The following NHSL1 variants were observed in gnomAD, a reference collection of about 807,000 sequenced individuals.
NHSL1 encodes NHS-like protein 1.
NHSL1 carries 48 observed loss-of-function variants against 95.0 expected under a neutral mutation model. That is an observed-to-expected ratio of 0.51 (90% CI 0.40 to 0.64). NHSL1 has a LOEUF of 0.64. Ranked by LOEUF, NHSL1 falls within the 30% of genes least tolerant of loss-of-function variation. The pLI, the probability that NHSL1 is intolerant of heterozygous loss-of-function variation, is 0.00. For missense variants in NHSL1, 1,971 were observed against 2,077.7 expected (o/e 0.95, Z 1.00); for synonymous variants, 783 against 833.9 (o/e 0.94, Z 1.05).
At chr6:138,436,953 GA>G (rs909212009) in intron 5 of NHSL1, among the ~76,000 whole-genome samples, 18 of 151,160 alleles carry the variant, frequency 1.2e-4, no homozygotes, top group Admixed American at 1.1e-3. Flanking sequence ...CTACTGCTCA[GA>G]AAAAAAAAGA....
chr6:138,499,306 A>C lies in NHSL1; in HGVS notation c.-16T>G. ...AGACCACCATTTCCAGGGCACCTAC[A>C]TAGAGCTTAGAAATGTAAATCACAT... is the stretch of plus-strand genomic sequence containing the variant. On this transcript the variant is annotated 5_prime_UTR_variant, in exon 1 of 8. It removes an upstream start codon present in the reference 5' UTR. Coordinates refer to ENST00000343505, the MANE Select transcript of NHSL1 (RefSeq NM_001144060.2). 6.4e-7 allele frequency: 1 copy of C among 1,550,582 alleles called. No homozygotes were observed. The highest frequency in any genetic ancestry group is 2.4e-5 in the East Asian group (1 of 40,892).
rs951078901 is a variant in NHSL1 at position 138,473,419 on chromosome 6, G to A, written c.226C>T (p.Arg76Trp). ...TGAGAACTGCGGTAGCCATCATGCC[G>A]CAACTTATCGCATTCTGCAGAGGGG... ...KSVLRECDKLRHDGYRSSQYY... is the reference protein window; with the variant it reads ...KSVLRECDKLWHDGYRSSQYY... Residue 76 changes from arginine to tryptophan, a missense_variant, in exon 3 of 8, where the codon CGG becomes TGG. Physicochemically the swap from Arg to Trp is moderately radical, Grantham distance 101. Coordinates refer to ENST00000343505, the MANE Select transcript of NHSL1 (RefSeq NM_001144060.2). 8 of 1,503,164 alleles carry A rather than the reference G, an allele frequency of 5.3e-6. No homozygotes were observed. Among genetic ancestry groups the A allele is most frequent in the African/African-American group, 1.4e-5 (1 of 71,460 alleles). The allele number at this position is 1,503,164 out of a possible 1,614,324, so 93.1% of individuals were successfully genotyped here.
chr6:138,627,312 AGT>A (rs1784753368), intron 1 of NHSL1, among the ~76,000 whole-genome samples: 1 of 152,238 alleles, frequency 6.6e-6, no homozygotes, highest in African/African-American at 2.4e-5. Flanking sequence ...ATACACAAAA[AGT>A]TTTTTTATAT....
At chr6:138,679,294 A>C (rs1408583150) in intron 1 of NHSL1, among the ~76,000 whole-genome samples, 1 of 152,222 alleles carries the variant, frequency 6.6e-6, no homozygotes, top group African/African-American at 2.4e-5. Flanking sequence ...GGAAAAGAGA[A>C]ACATCACTTC....
chr6:138,664,299 A>G (rs1490673058), intron 1 of NHSL1, among the ~76,000 whole-genome samples: 1 of 152,212 alleles, frequency 6.6e-6, no homozygotes, highest in Non-Finnish European at 1.5e-5. Context: ...CTCAACAAAC[A>G]CACAGTGACA....
At position 138,431,530 on chromosome 6, in the gene NHSL1, G is replaced by C; in HGVS notation, c.2815C>G (p.Pro939Ala). ...APPPPPVPSP[P>A]FPCPADRSPF... Reference sequence around the variant, plus strand: ...GACCTGTCTGCAGGACAAGGGAATGGAGGAGAGGGAACAGGAGGAGGAGGA... The same window carrying C: ...GACCTGTCTGCAGGACAAGGGAATGCAGGAGAGGGAACAGGAGGAGGAGGA... The change falls in exon 6 of 8, where the codon CCA becomes GCA. Residue 939 changes from proline (P) to alanine (A), a missense_variant. Transcript: ENST00000343505. The surrounding 1 kb of genome is among the most constrained non-coding windows in gnomAD (Gnocchi z 4.0). 6.4e-7 allele frequency: 1 copy of C among 1,551,240 alleles called. No individual in the cohort carries two copies. Among genetic ancestry groups the C allele is most frequent in the Non-Finnish European group, 8.7e-7 (1 of 1,146,732 alleles).
chr6:138,443,774 G>A (rs967149134), intron 4 of NHSL1, among the ~76,000 whole-genome samples: 3 of 152,224 alleles, frequency 2.0e-5, no homozygotes, highest in African/African-American at 4.8e-5. Context: ...AGGTTGCAGT[G>A]AGCCGAGATT....
intron 1 of NHSL1, among the ~76,000 whole-genome samples, chr6:138,528,674 A>G (rs184389495): frequency 1.5e-4 from 23 of 152,372 alleles, no homozygotes; most frequent in Middle Eastern, 6.8e-3. Flanking sequence ...CTATTTTGAT[A>G]CCAAGTCAAC....
Position 138,437,365 on chromosome 6 carries a change from T to TATATACACAC in NHSL1, c.665-3686_665-3685insGTGTGTATAT, listed in dbSNP as rs71009584. On this transcript the variant is annotated intron_variant, in intron 5 of 7. Transcript: ENST00000343505. ...ATACACATATATATATACACATATA[T>TATATACACAC]ATATATACACATATATATATACACA... 3.8e-4 allele frequency among the ~76,000 whole-genome samples: 35 copies of TATATACACAC among 91,128 alleles called. 1 individual carries two copies. Among genetic ancestry groups the TATATACACAC allele is most frequent in the South Asian group, 2.4e-3 (7 of 2,874 alleles). 59.8% of individuals were successfully genotyped at this position (91,128 alleles called of 152,430 possible). A position where few individuals can be genotyped will look rare whatever the true frequency, so the allele number is the denominator to read the frequency against.
In NHSL1 at chr6:138,521,534, G is replaced by A. The variant is rs78436778; in HGVS notation, c.16+24089C>T. 4.5e-4 allele frequency among the ~76,000 whole-genome samples: 68 copies of A among 152,188 alleles called. No individual in the cohort carries two copies. The East Asian group carries it at 0.011, about 25-fold the overall frequency. ...ATGCCTATGGTTTGACATAGCATGA[G>A]TATTCTGGATTGCAATCCCCTGCTA... On this transcript the variant is annotated intron_variant, in intron 1 of 4. Transcript: ENST00000342260.
chr6:138,587,133 C>T (rs1271995955), intron 1 of NHSL1, among the ~76,000 whole-genome samples: 3 of 151,416 alleles, frequency 2.0e-5, no homozygotes, highest in African/African-American at 4.8e-5. Flanking sequence ...CCACCATGCC[C>T]GGCTAATTTT....
chr6:138,499,132 T>C (rs994814673), intron 1 of NHSL1, 101 bp downstream of exon 1: 12 of 677,572 alleles, frequency 1.8e-5, no homozygotes, highest in African/African-American at 5.4e-5. Flanking sequence ...AACACACACA[T>C]GGACACACAC....
At chr6:138,439,549 C>A (rs559646324) in intron 5 of NHSL1, among the ~76,000 whole-genome samples, 2 of 152,294 alleles carry the variant, frequency 1.3e-5, no homozygotes, top group African/African-American at 4.8e-5. Flanking sequence ...AATATGTAAT[C>A]CAATATTTTT....
At chr6:138,535,280 T>C (rs969967833) in intron 1 of NHSL1, among the ~76,000 whole-genome samples, 1 of 152,112 alleles carries the variant, frequency 6.6e-6, no homozygotes, top group African/African-American at 2.4e-5. Flanking sequence ...AAAGTAGTTG[T>C]TGGCTGGGCG....
chr6:138,535,241 T>C (rs1782288611), intron 1 of NHSL1, among the ~76,000 whole-genome samples: 1 of 152,092 alleles, frequency 6.6e-6, no homozygotes, highest in Non-Finnish European at 1.5e-5. Flanking sequence ...TAGAATTTTC[T>C]GCCAAATTGA....
chr6:138,636,432 A>T (rs1256675640), intron 1 of NHSL1, among the ~76,000 whole-genome samples: 1 of 152,198 alleles, frequency 6.6e-6, no homozygotes, highest in African/African-American at 2.4e-5. Flanking sequence ...CAGACAAGAG[A>T]AAGAAAGAAA....
intron 1 of NHSL1, among the ~76,000 whole-genome samples, chr6:138,647,983 GT>G (rs1785041114): frequency 6.6e-6 from 1 of 152,142 alleles, no homozygotes; most frequent in African/African-American, 2.4e-5. Context: ...CTTTTAATGA[GT>G]TATGGTATGG....
chr6:138,549,378 TG>T, upstream of NHSL1, among the ~76,000 whole-genome samples: 1 of 152,044 alleles, frequency 6.6e-6, no homozygotes, highest in East Asian at 1.9e-4. Context: ...AGCAAACCTC[TG>T]TCTCAAAAAA....
rs6927981 is a variant in NHSL1, at chr6:138,431,105, G to A, written c.3240C>T (p.Pro1080=). The A allele has an allele frequency of 2.1e-3, 3,298 of 1,551,806 alleles. 66 individuals carry two copies. The African/African-American group carries it at 0.04, about 19-fold the overall frequency. ...TEALQMVQLR[P]VRKNSGAEAA... ...CCTCAGCGCCTGAGTTCTTTCTCAC[G>A]GGCCTCAACTGCACCATCTGCAATG... The change falls in exon 6 of 8, where the codon CCC becomes CCT. Residue 1080 remains proline (P), a synonymous_variant. Transcript: ENST00000343505. This position sits in a 1 kb window ranked among gnomAD's most constrained non-coding sequence, Gnocchi z 4.0.
Sources: allele counts gnomAD v4.1 joint callset (sites outside exome capture counted in the v4.1 genomes callset), GRCh38; gene constraint gnomAD v4.1.1; non-coding constraint Gnocchi (gnomAD v3.1); transcripts MANE v1.5; gene names NCBI Gene and HGNC (gene_info 2026-07-23, HGNC 2026-07-21).